OTOG: variants seen among roughly 807,000 people sequenced by gnomAD.
OTOG encodes otogelin.
A neutral mutation model predicts 313.8 loss-of-function variants in OTOG; 296 were observed. The ratio of observed to expected loss-of-function variants is 0.94; its 90% confidence interval spans 0.86 to 1.04. The LOEUF is 1.04. Ranked by LOEUF, OTOG falls within the 50% of genes least tolerant of loss-of-function variation. The pLI is 0.00. For synonymous variants in OTOG, 1,533 were observed against 1,554.9 expected (o/e 0.99, Z 0.33); for missense variants, 3,948 against 3,840.1 (o/e 1.03, Z -0.74).
At chr11:17,578,332 T>A in intron 22 of OTOG, 41 bp from the exon 23 acceptor site, 1 of 1,440,990 alleles carries the variant, frequency 6.9e-7, no homozygotes, top group Non-Finnish European at 9.1e-7. Context: ...GAGCCCATAC[T>A]GAGGCCCCAG....
chr11:17,561,617 C>G (rs1285105103), intron 14 of OTOG, 45 bp from the exon 15 acceptor site: 1 of 1,549,026 alleles, frequency 6.5e-7, no homozygotes, highest in African/African-American at 1.4e-5. Context: ...GCAGAGTTCC[C>G]CTGGGGCGGC....
Position 17,633,820 on chromosome 11 carries a change from G to C in OTOG, c.7213G>C (p.Gly2405Arg). 3.9e-6 allele frequency: 6 copies of C among 1,550,090 alleles called. No homozygotes were observed. Among genetic ancestry groups the C allele is most frequent in the Non-Finnish European group, 5.2e-6 (6 of 1,146,868 alleles). Residue 2405 changes from glycine (G) to arginine (R), a missense_variant, in exon 43 of 56, where the codon GGC becomes CGC. Transcript: ENST00000399397. Reference sequence around the variant, plus strand: ...GGGCGAGGGCTGCGTCTGCTCCGAGGGCACCATCTTACACCGGCGCCACTC... The same window carrying C: ...GGGCGAGGGCTGCGTCTGCTCCGAGCGCACCATCTTACACCGGCGCCACTC... Reference protein sequence around the residue: ...VLGEGCVCSEGTILHRRHSAL... With the variant: ...VLGEGCVCSERTILHRRHSAL...
At chr11:17,561,995 T>C (rs1275836775) in intron 15 of OTOG, among the ~76,000 whole-genome samples, 188 bp downstream of exon 15, 2 of 150,698 alleles carry the variant, frequency 1.3e-5, no homozygotes, top group Non-Finnish European at 1.5e-5. Context: ...CACTTCCCTT[T>C]TCTGGACCTC....
At chr11:17,589,562 C>G (rs1225668381) in intron 24 of OTOG, among the ~76,000 whole-genome samples, 1 of 152,158 alleles carries the variant, frequency 6.6e-6, no homozygotes, top group African/African-American at 2.4e-5. Context: ...CTCTTTTCTC[C>G]CATATAAACA....
chr11:17,628,645 G>T (rs1047848682), intron 39 of OTOG, among the ~76,000 whole-genome samples: 4 of 152,292 alleles, frequency 2.6e-5, no homozygotes, highest in African/African-American at 9.6e-5. Flanking sequence ...TCAGTTCACT[G>T]GATATCTTGA....
intron 15 of OTOG, among the ~76,000 whole-genome samples, chr11:17,562,965 C>T (rs1852220927): frequency 6.6e-6 from 1 of 152,198 alleles, no homozygotes; most frequent in Admixed American, 6.5e-5. Context: ...AACTGGGCTA[C>T]AGCAGCTGTG....
intron 33 of OTOG, among the ~76,000 whole-genome samples, chr11:17,606,927 A>G (rs1853404012): frequency 6.6e-6 from 1 of 152,212 alleles, no homozygotes; most frequent in Non-Finnish European, 1.5e-5. Flanking sequence ...ACTGGCCATG[A>G]TGACAAGACT....
rs191947610 is a variant in OTOG at position 17,603,140 on chromosome 11, G to A, written c.3877+763G>A. 7.9e-5 allele frequency among the ~76,000 whole-genome samples: 12 copies of A among 152,276 alleles called. No individual in the cohort carries two copies. The East Asian group carries it at 2.3e-3, about 29-fold the overall frequency. ...GCCCCAGGCACAGCCAACATCCCTA[G>A]CTATAGGTGATGTTCACGGTGGTGT... is the stretch of plus-strand genomic sequence containing the variant. On this transcript the variant is annotated intron_variant, in intron 32 of 55. Coordinates refer to ENST00000399397, the MANE Select transcript of OTOG (RefSeq NM_001292063.2).
chr11:17,612,141 C>T (rs1165002422), intron 36 of OTOG, 21 bp from the exon 37 acceptor site: 1 of 1,548,576 alleles, frequency 6.5e-7, no homozygotes, highest in Non-Finnish European at 8.7e-7. Context: ...GTCACTCACA[C>T]TTCCTCCACT....
At chr11:17,613,448 A>T (rs1200052261) in intron 38 of OTOG, among the ~76,000 whole-genome samples, 164 bp from the exon 39 acceptor site, 2 of 149,014 alleles carry the variant, frequency 1.3e-5, no homozygotes, top group Non-Finnish European at 3.0e-5. Context: ...GAGCCGCAAC[A>T]GTTCCATGCA....
rs11822596 is a variant in OTOG, at chr11:17,568,850, A to C, written c.1645-306A>C. ...GAGGTGGGGGAGGCCAGTGTTTCTCAGGCTGGACTCTGGGCCATCTGGGTT... is the reference window on the plus strand; with the variant it reads ...GAGGTGGGGGAGGCCAGTGTTTCTCCGGCTGGACTCTGGGCCATCTGGGTT... On this transcript the variant is annotated intron_variant, in intron 15 of 55. Coordinates refer to ENST00000399397, the MANE Select transcript of OTOG (RefSeq NM_001292063.2). Among the ~76,000 whole-genome samples, 5,022 of 152,280 alleles carry C rather than the reference A, an allele frequency of 0.033. 274 individuals are homozygous for C. The highest frequency in any genetic ancestry group is 0.12 in the African/African-American group (4,792 of 41,538).
intron 31 of OTOG, among the ~76,000 whole-genome samples, chr11:17,600,580 C>T (rs994058169): frequency 3.1e-4 from 47 of 152,104 alleles, no homozygotes; most frequent in Non-Finnish European, 5.7e-4. Context: ...TGGGGGCCTG[C>T]GAGATGACGG....
chr11:17,553,256 A>G (rs1384477345), intron 5 of OTOG, 45 bp downstream of exon 5: 22 of 1,539,708 alleles, frequency 1.4e-5, no homozygotes, highest in Non-Finnish European at 1.9e-5. Flanking sequence ...ACCTGGGTGC[A>G]GGGAAAGCTA....
At position 17,609,166 on chromosome 11, in the gene OTOG, G is replaced by A. The variant is rs1242041514; in HGVS notation, c.4311G>A (p.Gln1437=). 6.5e-7 allele frequency: 1 copy of A among 1,550,382 alleles called. No homozygotes were observed. Among genetic ancestry groups the A allele is most frequent in the African/African-American group, 1.4e-5 (1 of 73,006 alleles). ...GTGTCCCTGTGTGCCCCACCCCCCAGGTCCTGGATGAAGTCACACAGAGAT... is the reference window on the plus strand; with the variant it reads ...GTGTCCCTGTGTGCCCCACCCCCCAAGTCCTGGATGAAGTCACACAGAGAT... The part of the protein sequence containing the change: ...EGCVPVCPTP[Q]VLDEVTQRCV... The change falls in exon 35 of 56, where the codon CAG becomes CAA. Residue 1437 remains glutamine, a synonymous_variant. Coordinates refer to ENST00000399397, the MANE Select transcript of OTOG (RefSeq NM_001292063.2).
At chr11:17,549,727 G>A (rs532465793) in intron 3 of OTOG, among the ~76,000 whole-genome samples, 2 of 152,256 alleles carry the variant, frequency 1.3e-5, no homozygotes, top group African/African-American at 2.4e-5. Flanking sequence ...TCCAGGGTAG[G>A]CATCCCGCCT....
chr11:17,613,134 G>C (rs1015710872), intron 38 of OTOG, among the ~76,000 whole-genome samples: 32 of 152,096 alleles, frequency 2.1e-4, no homozygotes, highest in African/African-American at 6.8e-4. Context: ...CATAAGTCAG[G>C]TGGAAAGAGG....
chr11:17,554,561 A>C (rs1290863320), intron 6 of OTOG, among the ~76,000 whole-genome samples: 1 of 152,190 alleles, frequency 6.6e-6, no homozygotes, highest in Non-Finnish European at 1.5e-5. Flanking sequence ...GTACTGAGTT[A>C]GGGTCAAGGG....
rs1207334686 is a variant in OTOG at position 17,632,183 on chromosome 11, C to A, written c.7029C>A (p.His2343Gln). Residue 2343 changes from histidine to glutamine, a missense_variant, in exon 42 of 56, where the codon CAC becomes CAA. Physicochemically the swap from His to Gln is conservative, Grantham distance 24 (BLOSUM62 0). Transcript: ENST00000399397. Reference protein sequence around the residue: ...VALTVYVAMCHKFHVCIEWRR... With the variant: ...VALTVYVAMCQKFHVCIEWRR... ...TGACTGTGTACGTGGCCATGTGCCA[C>A]AAATTTCATGTGTGCATCGAGTGGC... 1.9e-6 allele frequency: 3 copies of A among 1,551,136 alleles called. No individual in the cohort carries two copies. The highest frequency in any genetic ancestry group is 4.9e-5 in the East Asian group (2 of 40,918).
intron 23 of OTOG, among the ~76,000 whole-genome samples, chr11:17,579,452 A>AG (rs1852615584): frequency 6.6e-6 from 1 of 152,112 alleles, no homozygotes; most frequent in Non-Finnish European, 1.5e-5. Flanking sequence ...GGAAGGGTGG[A>AG]GGGAAGTGGT....
Sources: allele counts gnomAD v4.1 joint callset (sites outside exome capture counted in the v4.1 genomes callset), GRCh38; gene constraint gnomAD v4.1.1; transcripts MANE v1.5; gene names NCBI Gene and HGNC (gene_info 2026-07-23, HGNC 2026-07-21).